Variants in SMYD3 observed in about 807,000 individuals in gnomAD.
SMYD3 encodes histone-lysine N-methyltransferase SMYD3.
In SMYD3, 36 loss-of-function variants were observed where a neutral mutation model predicts 57.7. That is an observed-to-expected ratio of 0.62 (90% CI 0.48 to 0.82). The LOEUF (loss-of-function observed/expected upper bound fraction) is 0.82. SMYD3 is among the 40% of genes least tolerant of loss of function. The pLI is 0.00. For missense variants in SMYD3, 515 were observed against 538.8 expected, an observed-to-expected ratio of 0.96 and a Z score of 0.44; for synonymous variants, 211 against 195.0, an observed-to-expected ratio of 1.08 and a Z score of -0.68.
At chr1:246,489,366 A>C (rs1248216722) in intron 1 of SMYD3, among the ~76,000 whole-genome samples, 1 of 152,062 alleles carries the variant, frequency 6.6e-6, no homozygotes, top group Non-Finnish European at 1.5e-5. Context: ...AAAATAATAA[A>C]AGAAAAAGAA....
chr1:245,881,622 C>T (rs2052782747), intron 8 of SMYD3, among the ~76,000 whole-genome samples: 1 of 152,090 alleles, frequency 6.6e-6, no homozygotes, highest in African/African-American at 2.4e-5. Flanking sequence ...AAATACAGAA[C>T]AAGACTGATA....
intron 1 of SMYD3, among the ~76,000 whole-genome samples, chr1:246,356,391 A>G (rs2065910431): frequency 6.6e-6 from 1 of 152,196 alleles, no homozygotes; most frequent in African/African-American, 2.4e-5. Context: ...AAGCTCTTTA[A>G]CACCCCCCAA....
intron 5 of SMYD3, among the ~76,000 whole-genome samples, chr1:246,156,417 G>A (rs993379820): frequency 1.3e-5 from 2 of 152,138 alleles, no homozygotes; most frequent in Non-Finnish European, 2.9e-5. Context: ...AATGACATCT[G>A]CTAATACTCT....
chr1:245,986,348 G>T lies in SMYD3; in HGVS notation c.532-56411C>A, dbSNP rs115043893. On this transcript the variant is annotated intron_variant, in intron 5 of 11. Transcript: ENST00000490107. Reference sequence around the variant, plus strand: ...AGGGAGCTGAGGGAAGCAGATACTTGAGAGTTTTACATTTTCTGTACCTCA... The same window carrying T: ...AGGGAGCTGAGGGAAGCAGATACTTTAGAGTTTTACATTTTCTGTACCTCA... Among the ~76,000 whole-genome samples the T allele has an allele frequency of 3.1e-3, 476 of 152,272 alleles. 1 individual carries two copies. The highest frequency in any genetic ancestry group is 0.011 in the African/African-American group (469 of 41,552).
chr1:245,882,976 C>T (rs1457298025), intron 8 of SMYD3, among the ~76,000 whole-genome samples: 1 of 152,166 alleles, frequency 6.6e-6, no homozygotes, highest in Non-Finnish European at 1.5e-5. Context: ...GGCTGTGCTT[C>T]GCTAATAGCT....
chr1:246,425,385 G>T (rs766479661), intron 1 of SMYD3, among the ~76,000 whole-genome samples: 4 of 152,144 alleles, frequency 2.6e-5, no homozygotes, highest in Non-Finnish European at 4.4e-5. Flanking sequence ...TGTAACTGGA[G>T]TATCTTCTAC....
At chr1:246,006,958 C>G (rs968753420) in intron 5 of SMYD3, among the ~76,000 whole-genome samples, 13 of 152,202 alleles carry the variant, frequency 8.5e-5, no homozygotes, top group Non-Finnish European at 1.6e-4. Context: ...AGGAGCTGGA[C>G]TGCTCAATCC....
chr1:246,395,181 T>G (rs1235567070), intron 1 of SMYD3, among the ~76,000 whole-genome samples: 1 of 152,230 alleles, frequency 6.6e-6, no homozygotes, highest in Non-Finnish European at 1.5e-5. Context: ...TCCCTCCATT[T>G]TAAAACAGAA....
chr1:246,163,015 G>A (rs2062148248), intron 5 of SMYD3, among the ~76,000 whole-genome samples: 3 of 152,122 alleles, frequency 2.0e-5, no homozygotes, highest in African/African-American at 7.2e-5. Context: ...TTTTAAATGT[G>A]CATATTCCCA....
intron 5 of SMYD3, among the ~76,000 whole-genome samples, chr1:246,183,404 A>G (rs1339529575): frequency 6.6e-6 from 1 of 151,806 alleles, no homozygotes; most frequent in African/African-American, 2.4e-5. Flanking sequence ...TAAATACAAG[A>G]AGGTTGGCAT....
chr1:245,869,429 A>T (rs1315335073), intron 8 of SMYD3, among the ~76,000 whole-genome samples: 1 of 152,300 alleles, frequency 6.6e-6, no homozygotes, highest in Non-Finnish European at 1.5e-5. Flanking sequence ...AGGAGCAGCT[A>T]GTCTGGATGG....
intron 1 of SMYD3, 64 bp downstream of exon 1, chr1:246,506,990 C>G (rs2068552014): frequency 1.1e-5 from 7 of 609,986 alleles, no homozygotes; most frequent in Non-Finnish European, 1.6e-5. Context: ...CCGCCCGACG[C>G]CCCCCCCTCC....
At chr1:246,166,114 G>T (rs2062205909) in intron 5 of SMYD3, among the ~76,000 whole-genome samples, 1 of 151,882 alleles carries the variant, frequency 6.6e-6, no homozygotes. Flanking sequence ...AAAAAAAGAA[G>T]AAGAAAAGCA....
At chr1:245,794,375 T>G (rs1256136965) in intron 10 of SMYD3, among the ~76,000 whole-genome samples, 1 of 152,256 alleles carries the variant, frequency 6.6e-6, no homozygotes, top group Non-Finnish European at 1.5e-5. Context: ...ATTCTTTGCT[T>G]TCGCACATTG....
At chr1:246,091,752 C>T (rs961957292) in intron 5 of SMYD3, among the ~76,000 whole-genome samples, 6 of 152,150 alleles carry the variant, frequency 3.9e-5, no homozygotes, top group African/African-American at 7.2e-5. Context: ...AATATAGTGC[C>T]GACAGGTATG....
chr1:246,142,967 T>C (rs149977758), intron 5 of SMYD3, among the ~76,000 whole-genome samples: 50 of 152,322 alleles, frequency 3.3e-4, no homozygotes, highest in African/African-American at 1.2e-3. Context: ...AGTCTGGCTG[T>C]GCAACCAGCC....
At chr1:246,326,289 A>C (rs1175911758) in intron 5 of SMYD3, 1 of 605,266 alleles carries the variant, frequency 1.7e-6, no homozygotes, top group Non-Finnish European at 3.0e-6. Flanking sequence ...AAATGCAAAC[A>C]CACAATGTGA....
intron 8 of SMYD3, among the ~76,000 whole-genome samples, chr1:245,896,168 T>A (rs1477893939): frequency 2.0e-5 from 3 of 152,166 alleles, no homozygotes; most frequent in Non-Finnish European, 4.4e-5. Flanking sequence ...GGGTAAAAGA[T>A]GCACACATAC....
chr1:245,935,887 G>A (rs1398838812), intron 5 of SMYD3, among the ~76,000 whole-genome samples: 1 of 152,196 alleles, frequency 6.6e-6, no homozygotes, highest in Non-Finnish European at 1.5e-5. Context: ...GGGCTGGGGA[G>A]AGAAATGGGG....
Sources: allele counts gnomAD v4.1 joint callset (sites outside exome capture counted in the v4.1 genomes callset), GRCh38; gene constraint gnomAD v4.1.1; transcripts MANE v1.5; gene names NCBI Gene and HGNC (gene_info 2026-07-23, HGNC 2026-07-21).